Variants in TFEC observed in about 807,000 individuals in gnomAD.
TFEC encodes transcription factor EC.
A neutral mutation model predicts 41.6 loss-of-function variants in TFEC; 31 were observed. That is an observed-to-expected ratio of 0.74 (90% confidence interval 0.56 to 1.01). TFEC has a LOEUF of 1.01. Among genes scored for constraint, TFEC ranks in the 50% least tolerant of loss-of-function variants. TFEC has a pLI of 0.00. For missense variants in TFEC, 402 were observed against 404.1 expected (o/e 0.99, Z 0.04); for synonymous variants, 143 against 140.6 (o/e 1.02, Z -0.12).
chr7:116,151,429 G>A (rs1465762046), intron 1 of TFEC, among the ~76,000 whole-genome samples: 4 of 152,030 alleles, frequency 2.6e-5, no homozygotes, highest in East Asian at 3.9e-4. Context: ...TTTTAGTATA[G>A]ATGGGGTTTC....
chr7:115,936,832 G>A lies in TFEC; in HGVS notation c.*3719C>T, dbSNP rs1356780236. The A allele has an allele frequency of 6.6e-6, 1 of 151,444 alleles. No homozygotes were observed. Among genetic ancestry groups the A allele is most frequent in the African/African-American group, 2.4e-5 (1 of 41,358 alleles). The allele number at this position is 151,444 out of a possible 1,614,324, so 9.4% of individuals were successfully genotyped here. A position where few individuals can be genotyped will look rare whatever the true frequency, so the allele number is the denominator to read the frequency against. ...GGAAAAAAATGAGTTGAAAAAGGAAGAGGAAGGCTATTTCTCAATGTCCCC... is the reference window on the plus strand; with the variant it reads ...GGAAAAAAATGAGTTGAAAAAGGAAAAGGAAGGCTATTTCTCAATGTCCCC... On this transcript the variant is annotated 3_prime_UTR_variant, in exon 8 of 8. Transcript: ENST00000265440.
exon 2 of TFEC, chr7:116,112,028 T>A (rs750062675): frequency 3.0e-6 from 3 of 985,942 alleles, no homozygotes. Context: ...AACTAAATCA[T>A]TGATAGGACT....
At chr7:116,063,216 G>A (rs896936278) in intron 3 of TFEC, among the ~76,000 whole-genome samples, 1 of 152,154 alleles carries the variant, frequency 6.6e-6, no homozygotes, top group African/African-American at 2.4e-5. Flanking sequence ...TAAAATACTA[G>A]AGAAGGCAAG....
intron 3 of TFEC, among the ~76,000 whole-genome samples, chr7:116,069,242 G>A (rs188587696): frequency 4.0e-5 from 6 of 151,578 alleles, no homozygotes; most frequent in African/African-American, 1.2e-4. Flanking sequence ...TAAACAATAT[G>A]ATGTATTTTG....
intron 3 of TFEC, among the ~76,000 whole-genome samples, chr7:116,050,406 G>C (rs555163327): frequency 6.6e-6 from 1 of 152,016 alleles, no homozygotes; most frequent in South Asian, 2.1e-4. Flanking sequence ...ATCTGAAAAA[G>C]GGCTAATATC....
rs112152256 is a variant in TFEC, at chr7:116,016,038, C to A, written c.-73+14595G>T. On this transcript the variant is annotated intron_variant, in intron 1 of 7. Coordinates refer to ENST00000265440, the MANE Select transcript of TFEC (RefSeq NM_012252.4). ...TAAAGGACTTGAGGAGCATCAATATCCAAGGGGTAAGAGAGACTAAAAGAA... is the reference window on the plus strand; with the variant it reads ...TAAAGGACTTGAGGAGCATCAATATACAAGGGGTAAGAGAGACTAAAAGAA... Among the ~76,000 whole-genome samples the A allele has an allele frequency of 6.6e-3, 1,006 of 152,136 alleles. 11 individuals are homozygous for A. Among genetic ancestry groups the A allele is most frequent in the African/African-American group, 0.023 (948 of 41,496 alleles).
rs1295883643 is a variant in TFEC, at chr7:115,937,017, T to C, written c.*3534A>G. On this transcript the variant is annotated 3_prime_UTR_variant, in exon 8 of 8. Coordinates refer to ENST00000265440, the MANE Select transcript of TFEC (RefSeq NM_012252.4). ...GAAGAAAAGGCACTAAAGAAAAAAATTGTAAAGAGCTGTATCTACTCACAG... is the reference window on the plus strand; with the variant it reads ...GAAGAAAAGGCACTAAAGAAAAAAACTGTAAAGAGCTGTATCTACTCACAG... 3 of 151,410 alleles carry C rather than the reference T, an allele frequency of 2.0e-5. No individual in the cohort carries two copies. Among genetic ancestry groups the C allele is most frequent in the East Asian group, 3.9e-4 (2 of 5,152 alleles). 9.4% of individuals were successfully genotyped at this position (151,410 alleles called of 1,614,324 possible).
intron 1 of TFEC, among the ~76,000 whole-genome samples, chr7:116,140,119 T>C (rs1798511886): frequency 6.6e-6 from 1 of 152,106 alleles, no homozygotes; most frequent in South Asian, 2.1e-4. Context: ...TGAAGGACTG[T>C]GAGGAAATCC....
chr7:116,112,995 C>T (rs1797890774), intron 1 of TFEC, among the ~76,000 whole-genome samples: 1 of 151,918 alleles, frequency 6.6e-6, no homozygotes, highest in Non-Finnish European at 1.5e-5. Flanking sequence ...AACAGCTGGT[C>T]TATGAATTCA....
chr7:116,039,407 A>G (rs1466345718), intron 3 of TFEC, among the ~76,000 whole-genome samples: 1 of 149,054 alleles, frequency 6.7e-6, no homozygotes, highest in Non-Finnish European at 1.5e-5. Context: ...TAAAAACTAA[A>G]ACAAAAGAAA....
intron 3 of TFEC, among the ~76,000 whole-genome samples, chr7:116,073,115 T>C (rs1221596379): frequency 2.6e-5 from 4 of 151,666 alleles, no homozygotes; most frequent in Non-Finnish European, 5.9e-5. Flanking sequence ...GGAGAGGTAT[T>C]AGAACTAATA....
chr7:116,122,716 G>T (rs532230149), intron 1 of TFEC, among the ~76,000 whole-genome samples: 4 of 152,188 alleles, frequency 2.6e-5, no homozygotes, highest in Non-Finnish European at 5.9e-5. Context: ...AGAAGATGAG[G>T]TTCTAGGGCA....
intron 1 of TFEC, among the ~76,000 whole-genome samples, chr7:116,118,477 T>C (rs1383313719): frequency 5.3e-5 from 8 of 151,836 alleles, no homozygotes; most frequent in Non-Finnish European, 1.0e-4. Context: ...TTTCTTTTGA[T>C]CAGTTGACTA....
chr7:116,039,721 T>C (rs1795991052), intron 3 of TFEC, among the ~76,000 whole-genome samples: 1 of 152,080 alleles, frequency 6.6e-6, no homozygotes. Flanking sequence ...AGTTAAAATA[T>C]TTTTACATTT....
intron 1 of TFEC, among the ~76,000 whole-genome samples, chr7:116,029,587 T>C (rs1795716285): frequency 6.6e-6 from 1 of 152,102 alleles, no homozygotes; most frequent in Admixed American, 6.6e-5. Flanking sequence ...TTAAAATGCA[T>C]ATTCCCAGTG....
chr7:115,959,334 T>A (rs1792406720), intron 3 of TFEC, among the ~76,000 whole-genome samples: 1 of 151,762 alleles, frequency 6.6e-6, no homozygotes, highest in African/African-American at 2.4e-5. Context: ...GAACTCCTGA[T>A]CTGAGAAACT....
intron 3 of TFEC, among the ~76,000 whole-genome samples, chr7:116,103,923 A>G (rs1427148696): frequency 1.3e-5 from 2 of 152,224 alleles, no homozygotes; most frequent in Admixed American, 6.5e-5. Flanking sequence ...AAAAGCCTTC[A>G]GAAGAGGAGA....
chr7:115,962,030 T>C (rs1403404176), intron 3 of TFEC, among the ~76,000 whole-genome samples: 3 of 151,628 alleles, frequency 2.0e-5, no homozygotes, highest in Non-Finnish European at 4.4e-5. Context: ...CAAAAATCAG[T>C]TGCATTTCTA....
chr7:116,047,546 C>T (rs1198195297), intron 3 of TFEC, among the ~76,000 whole-genome samples: 1 of 152,152 alleles, frequency 6.6e-6, no homozygotes, highest in Admixed American at 6.5e-5. Flanking sequence ...AGGAGGCCTG[C>T]CTACCTCTGT....
Sources: gnomAD v4.1 joint callset for allele counts (sites outside exome capture counted in the v4.1 genomes callset) on GRCh38, gnomAD v4.1.1 for gene constraint, MANE v1.5 for transcripts, NCBI Gene and HGNC (gene_info 2026-07-23, HGNC 2026-07-21) for gene names.